PCBP3: variants seen among roughly 807,000 people sequenced by gnomAD.
The protein encoded by PCBP3 is poly(rC) binding protein 3.
PCBP3 carries 25 observed loss-of-function variants against 52.7 expected under a neutral mutation model. The observed-to-expected ratio is 0.47, with a 90% CI of 0.35 to 0.66. The LOEUF (loss-of-function observed/expected upper bound fraction) is 0.66, where lower values mean the gene tolerates loss of function less well. PCBP3 is among the 30% of genes least tolerant of loss of function. The probability of loss-of-function intolerance (pLI) is 0.01; values close to 1 mark genes in which losing one functional copy is unlikely to be tolerated. For missense variants in PCBP3, 391 were observed against 490.3 expected, an observed-to-expected ratio of 0.80 and a Z score of 1.91; for synonymous variants, 162 against 183.0, an observed-to-expected ratio of 0.89 and a Z score of 0.93.
At chr21:45,931,176 G>C (rs1170017554) in intron 15 of PCBP3, among the ~76,000 whole-genome samples, 1 of 152,376 alleles carries the variant, frequency 6.6e-6, no homozygotes, top group African/African-American at 2.4e-5. Flanking sequence ...TGCTGGATTT[G>C]CCTGCACCCC....
At position 45,928,460 on chromosome 21, in the gene PCBP3, A is replaced by T. The variant is rs531806919; in HGVS notation, c.718-1457A>T. 1.7e-3 allele frequency among the ~76,000 whole-genome samples: 258 copies of T among 152,240 alleles called. 1 individual carries two copies. The highest frequency in any genetic ancestry group is 6.8e-3 in the Middle Eastern group (2 of 294). ...AGGGCCTTTATCTTGACTCTGGGTG[A>T]ACTCTTAGGGGAGGGCTCCCAGCTC... On this transcript the variant is annotated intron_variant, in intron 13 of 17. Coordinates refer to ENST00000681687, the MANE Select transcript of PCBP3 (RefSeq NM_001384156.1). The surrounding 1 kb of genome is among the most constrained non-coding windows in gnomAD (Gnocchi z 4.1).
chr21:45,824,339 T>C (rs2093247003), intron 4 of PCBP3, among the ~76,000 whole-genome samples: 3 of 152,228 alleles, frequency 2.0e-5, no homozygotes, highest in Admixed American at 6.5e-5. Context: ...TTCCCTTCTT[T>C]TTCTACATTT....
chr21:45,803,159 C>T (rs1488317220), intron 4 of PCBP3, among the ~76,000 whole-genome samples: 1 of 152,206 alleles, frequency 6.6e-6, no homozygotes, highest in South Asian at 2.1e-4. Flanking sequence ...TGCGTCCCCT[C>T]CTCACTTTCT....
chr21:45,759,224 G>C (rs1314872670), intron 4 of PCBP3, among the ~76,000 whole-genome samples: 3 of 152,138 alleles, frequency 2.0e-5, no homozygotes, highest in Admixed American at 6.5e-5. Context: ...TCAGGAGTTT[G>C]TGTGAAGTCA....
chr21:45,894,431 G>A (rs150607941), intron 5 of PCBP3, among the ~76,000 whole-genome samples: 10 of 152,206 alleles, frequency 6.6e-5, no homozygotes, highest in Middle Eastern at 3.4e-3. Context: ...CCATGTGTGC[G>A]GGTCCGTCGG....
chr21:45,920,950 A>G (rs766157376), intron 13 of PCBP3, among the ~76,000 whole-genome samples: 9 of 152,340 alleles, frequency 5.9e-5, no homozygotes, highest in Non-Finnish European at 1.2e-4. Context: ...TTTACTGTGA[A>G]GTATCTCTCT....
chr21:45,866,098 C>T (rs996518559), intron 5 of PCBP3, among the ~76,000 whole-genome samples: 1 of 152,246 alleles, frequency 6.6e-6, no homozygotes, highest in Admixed American at 6.5e-5. Context: ...TAGGACAAGT[C>T]AGTGGCTCTC....
At chr21:45,869,249 C>G (rs2094896405) in intron 5 of PCBP3, 1 of 152,224 alleles carries the variant, frequency 6.6e-6, no homozygotes, top group Admixed American at 6.5e-5. Context: ...TGGGATGCTG[C>G]TGCGGGAGGA....
intron 4 of PCBP3, among the ~76,000 whole-genome samples, chr21:45,783,145 T>C (rs781775088): frequency 1.3e-5 from 2 of 152,210 alleles, no homozygotes; most frequent in Non-Finnish European, 2.9e-5. Context: ...CTAAATAAAC[T>C]ATATGGAGTA....
At chr21:45,885,180 C>T (rs2095488637) in intron 5 of PCBP3, among the ~76,000 whole-genome samples, 1 of 152,162 alleles carries the variant, frequency 6.6e-6, no homozygotes, top group Admixed American at 6.5e-5. Flanking sequence ...TTCCAGTTGG[C>T]ACTTCTGTCC....
chr21:45,855,054 C>T (rs1342464157), intron 5 of PCBP3, among the ~76,000 whole-genome samples: 1 of 152,122 alleles, frequency 6.6e-6, no homozygotes, highest in African/African-American at 2.4e-5. Context: ...AGCCTTATGG[C>T]GACAATAGTG....
chr21:45,710,829 A>T (rs991096925), intron 2 of PCBP3, among the ~76,000 whole-genome samples: 1 of 152,086 alleles, frequency 6.6e-6, no homozygotes, highest in Non-Finnish European at 1.5e-5. Flanking sequence ...TTATTTTTCC[A>T]ATCATTTATT....
rs2075797065 is a variant in PCBP3 at position 45,928,677 on chromosome 21, A to T, written c.718-1240A>T. On this transcript the variant is annotated intron_variant, in intron 13 of 17. Transcript: ENST00000681687. The surrounding 1 kb of genome is among the most constrained non-coding windows in gnomAD (Gnocchi z 4.1). ...ACGTGCAGATGGCAGCTCTGCTCCG[A>T]GCGCCCACACCCCCCAGCATTGGTG... Among the ~76,000 whole-genome samples the T allele has an allele frequency of 6.6e-6, 1 of 151,902 alleles. No individual in the cohort carries two copies. The highest frequency in any genetic ancestry group is 2.4e-5 in the African/African-American group (1 of 41,340).
At position 45,799,570 on chromosome 21, in the gene PCBP3, G is replaced by C. The variant is rs76545968; in HGVS notation, c.-126+44118G>C. Among the ~76,000 whole-genome samples the C allele has an allele frequency of 6.4e-3, 974 of 152,226 alleles. 1 individual carries two copies. The highest frequency in any genetic ancestry group is 9.5e-3 in the African/African-American group (396 of 41,550). ...TTGGAACGTACCCCTCTTGGATAAG[G>C]GGGGAGGGCTGCAGAATGAATTCTT... On this transcript the variant is annotated intron_variant, in intron 4 of 17. Coordinates refer to ENST00000681687, the MANE Select transcript of PCBP3 (RefSeq NM_001384156.1).
At chr21:45,941,403 G>A (rs1176114750) in intron 17 of PCBP3, among the ~76,000 whole-genome samples, 1 of 152,210 alleles carries the variant, frequency 6.6e-6, no homozygotes, top group Admixed American at 6.5e-5. Context: ...CCGACCCAGG[G>A]CTGTGTAGGG....
At position 45,805,576 on chromosome 21, in the gene PCBP3, TA is replaced by T. The variant is rs1476376503; in HGVS notation, c.-125-44381del. Among the ~76,000 whole-genome samples the T allele has an allele frequency of 6.6e-6, 1 of 152,164 alleles. No individual in the cohort carries two copies. Among genetic ancestry groups the T allele is most frequent in the African/African-American group, 2.4e-5 (1 of 41,440 alleles). On this transcript the variant is annotated intron_variant, in intron 4 of 17. Coordinates refer to ENST00000681687, the MANE Select transcript of PCBP3 (RefSeq NM_001384156.1). This position sits in a 1 kb window ranked among gnomAD's most constrained non-coding sequence, Gnocchi z 4.6. ...TGGCAGAACGGCACATACAGGTGCCTAAAATCGAGCTAGGGGACCTTGAAGA... is the reference window on the plus strand; with the variant it reads ...TGGCAGAACGGCACATACAGGTGCCTAAATCGAGCTAGGGGACCTTGAAGA...
chr21:45,922,143 G>A (rs951565239), intron 13 of PCBP3, among the ~76,000 whole-genome samples: 2 of 152,172 alleles, frequency 1.3e-5, no homozygotes, highest in African/African-American at 2.4e-5. Context: ...AGCCGAGAGC[G>A]CCCACACCTG....
At chr21:45,876,241 A>T (rs893305359) in intron 5 of PCBP3, among the ~76,000 whole-genome samples, 1 of 152,192 alleles carries the variant, frequency 6.6e-6, no homozygotes, top group Non-Finnish European at 1.5e-5. Flanking sequence ...AGGGTGGCCT[A>T]CCCTGTCTCT....
rs2149628407 is a variant in PCBP3 at position 45,941,657 on chromosome 21, TTGTC to T, written c.1080-9_1080-6del. ...GTGACCGTCTCTCCCTCTCCTGCCT[TTGTC>T]TGTTCCAGGCTGACGTCCGAGGTCA... On this transcript the variant is annotated splice_polypyrimidine_tract_variant and intron_variant, in intron 17 of 17. Transcript: ENST00000681687. 1 of 1,605,898 alleles carries T rather than the reference TTGTC, an allele frequency of 6.2e-7. No individual in the cohort carries two copies.
Sources: gnomAD v4.1 joint callset for allele counts (sites outside exome capture counted in the v4.1 genomes callset) on GRCh38, gnomAD v4.1.1 for gene constraint, Gnocchi (gnomAD v3.1) non-coding constraint, MANE v1.5 for transcripts, NCBI Gene and HGNC (gene_info 2026-07-23, HGNC 2026-07-21) for gene names.